The following SORBS2 variants were observed in gnomAD, a reference collection of about 807,000 sequenced individuals.
SORBS2 encodes sorbin and SH3 domain containing 2.
SORBS2 carries 46 observed loss-of-function variants against 97.7 expected under a neutral mutation model. The observed-to-expected ratio is 0.47, with a 90% CI of 0.37 to 0.60. The LOEUF (loss-of-function observed/expected upper bound fraction) is 0.60. Ranked by LOEUF, SORBS2 falls within the 20% of genes least tolerant of loss-of-function variation. The pLI, the probability that SORBS2 is intolerant of heterozygous loss-of-function variation, is 0.00. For missense variants in SORBS2, 1,316 were observed against 1,282.3 expected (o/e 1.03, Z -0.40); for synonymous variants, 476 against 473.4 (o/e 1.01, Z -0.07).
intron 4 of SORBS2, among the ~76,000 whole-genome samples, chr4:185,633,789 CT>C (rs5864946): frequency 1.6e-4 from 24 of 148,814 alleles, no homozygotes; most frequent in South Asian, 2.1e-4. Flanking sequence ...TTGCACTCTA[CT>C]TTTTTTTTTA....
intron 2 of SORBS2, among the ~76,000 whole-genome samples, chr4:185,702,694 G>C (rs1486890584): frequency 6.6e-6 from 1 of 151,760 alleles, no homozygotes; most frequent in Non-Finnish European, 1.5e-5. Flanking sequence ...GTGGGAGTCG[G>C]TGTTAAGCCT....
At chr4:185,850,172 G>C (rs1193703651) in intron 1 of SORBS2, among the ~76,000 whole-genome samples, 1 of 152,092 alleles carries the variant, frequency 6.6e-6, no homozygotes, top group Non-Finnish European at 1.5e-5. Flanking sequence ...CCTGCCCCTC[G>C]GGCATGAGTC....
chr4:185,691,841 C>T (rs1048654921), intron 2 of SORBS2, among the ~76,000 whole-genome samples: 22 of 152,078 alleles, frequency 1.4e-4, no homozygotes, highest in African/African-American at 2.9e-4. Flanking sequence ...GCCTCCCGGG[C>T]TCACGCCATT....
chr4:185,780,332 T>C (rs964133398), intron 1 of SORBS2, among the ~76,000 whole-genome samples: 11 of 152,148 alleles, frequency 7.2e-5, no homozygotes, highest in Admixed American at 2.0e-4. Context: ...ACACCTTTTA[T>C]GCTTGTCTGC....
rs890463178 is a variant in SORBS2 at position 185,732,357 on chromosome 4, A to T, written c.-198+42870T>A. On this transcript the variant is annotated intron_variant, in intron 2 of 20. Transcript: ENST00000284776. ...CAGAGAAGAGTCACCTATTACAAGCATGATCATAGTACTTAGGAAAAAGTA... is the reference window on the plus strand; with the variant it reads ...CAGAGAAGAGTCACCTATTACAAGCTTGATCATAGTACTTAGGAAAAAGTA... Among the ~76,000 whole-genome samples, 6 of 152,334 alleles carry T rather than the reference A, an allele frequency of 3.9e-5. No homozygotes were observed. In the East Asian group the frequency reaches 1.2e-3, roughly 29 times the overall value.
intron 3 of SORBS2, 119 bp downstream of exon 12, chr4:185,649,348 T>C (rs1205195389): frequency 8.6e-6 from 7 of 811,614 alleles, no homozygotes; most frequent in Non-Finnish European, 1.3e-5. Context: ...ATGTATAGAC[T>C]AGCAAGATTA....
chr4:185,921,774 T>A (rs2099261024), intron 1 of SORBS2, among the ~76,000 whole-genome samples: 1 of 152,268 alleles, frequency 6.6e-6, no homozygotes, highest in Admixed American at 6.5e-5. Flanking sequence ...GCAGGATGTC[T>A]GCAAGCCTTC....
At chr4:185,790,818 A>G (rs1342421859) in intron 1 of SORBS2, among the ~76,000 whole-genome samples, 3 of 152,102 alleles carry the variant, frequency 2.0e-5, no homozygotes, top group South Asian at 2.1e-4. Context: ...CCCTGATCAC[A>G]TTTTCTGAAA....
intron 2 of SORBS2, chr4:185,757,042 T>G: frequency 1.2e-6 from 1 of 826,162 alleles, no homozygotes. Context: ...TCTTGCATGA[T>G]GAACTTCGCA....
intron 11 of SORBS2, among the ~76,000 whole-genome samples, chr4:185,612,638 G>A (rs574683776): frequency 3.3e-5 from 5 of 151,898 alleles, no homozygotes; most frequent in Admixed American, 1.3e-4. Context: ...ACAGGCGCCC[G>A]CCACCAGGCC....
chr4:185,685,393 C>T (rs2097936915), intron 2 of SORBS2, among the ~76,000 whole-genome samples: 2 of 152,104 alleles, frequency 1.3e-5, no homozygotes, highest in South Asian at 2.1e-4. Flanking sequence ...CATAGAGGAA[C>T]ACATGGCATC....
At chr4:185,852,804 A>G (rs981469381) in intron 1 of SORBS2, among the ~76,000 whole-genome samples, 3 of 152,136 alleles carry the variant, frequency 2.0e-5, no homozygotes, top group Non-Finnish European at 2.9e-5. Flanking sequence ...GTTGGCACAC[A>G]ATGTTTTTGT....
At chr4:185,713,445 C>T (rs570392296) in intron 2 of SORBS2, among the ~76,000 whole-genome samples, 1 of 152,298 alleles carries the variant, frequency 6.6e-6, no homozygotes, top group Non-Finnish European at 1.5e-5. Context: ...AGGATTAGCT[C>T]AGAAGAGCAG....
chr4:185,804,231 G>A (rs550577634), intron 1 of SORBS2, among the ~76,000 whole-genome samples: 3 of 152,284 alleles, frequency 2.0e-5, no homozygotes, highest in Admixed American at 1.3e-4. Context: ...GGAACCACAC[G>A]CAGGTTACCT....
intron 1 of SORBS2, among the ~76,000 whole-genome samples, chr4:185,952,779 T>C (rs988221697): frequency 6.6e-6 from 1 of 152,208 alleles, no homozygotes; most frequent in Non-Finnish European, 1.5e-5. Context: ...TGTTGTTCTG[T>C]CCCTTAGATT....
chr4:185,672,688 T>C lies in SORBS2; in HGVS notation c.-46+5735A>G, dbSNP rs190282104. Among the ~76,000 whole-genome samples the C allele has an allele frequency of 7.3e-4, 111 of 152,336 alleles. No homozygotes were observed. In the East Asian group the frequency reaches 0.013, roughly 19 times the overall value. ...AGACATTAATAATAACAAAACTATG[T>C]AAATAAAACTTCTGAAACACTGAAA... On this transcript the variant is annotated intron_variant, in intron 4 of 20. Coordinates refer to the SORBS2 transcript ENST00000284776.
intron 12 of SORBS2, among the ~76,000 whole-genome samples, chr4:185,604,617 A>G (rs1245773882): frequency 6.6e-6 from 1 of 152,228 alleles, no homozygotes; most frequent in African/African-American, 2.4e-5. Context: ...TCAACTTCCA[A>G]CATTTTAAAG....
chr4:185,618,202 T>A (rs1427549150), intron 9 of SORBS2, among the ~76,000 whole-genome samples: 1 of 152,210 alleles, frequency 6.6e-6, no homozygotes, highest in Non-Finnish European at 1.5e-5. Context: ...TTTGAACTCC[T>A]GGGCTCAAGC....
chr4:185,586,843 T>G (rs2095806135), exon 15 of SORBS2: 1 of 152,668 alleles, frequency 6.6e-6, no homozygotes, highest in South Asian at 2.1e-4. Flanking sequence ...AAAATAGCGA[T>G]GCAACTTTAC....
Sources: allele counts gnomAD v4.1 joint callset (sites outside exome capture counted in the v4.1 genomes callset), GRCh38; gene constraint gnomAD v4.1.1; transcripts MANE v1.5; gene names NCBI Gene and HGNC (gene_info 2026-07-23, HGNC 2026-07-21).